PTTG1IP2: variants seen among roughly 807,000 people sequenced by gnomAD.
PTTG1IP2 encodes the protein PTTG1IP family member 2.
intron 6 of PTTG1IP2, among the ~76,000 whole-genome samples, chr7:90,508,475 A>AGGGGAGGACATTTTCG (rs1798150296): frequency 6.6e-6 from 1 of 152,106 alleles, no homozygotes; most frequent in Non-Finnish European, 1.5e-5. Context: ...GGAAATTTTC[A>AGGGGAGGACATTTTCG]GGGGAGGACA....
intron 6 of PTTG1IP2, among the ~76,000 whole-genome samples, chr7:90,509,973 A>AG (rs1224027327): frequency 6.6e-6 from 1 of 152,236 alleles, no homozygotes; most frequent in East Asian, 1.9e-4. Context: ...AATAGATTGT[A>AG]GCTTTCCAAA....
At chr7:90,485,111 G>T (rs545750992) in intron 2 of PTTG1IP2, among the ~76,000 whole-genome samples, 1 of 152,272 alleles carries the variant, frequency 6.6e-6, no homozygotes, top group East Asian at 1.9e-4. Flanking sequence ...GACCACACAG[G>T]GCTTGGGGAA....
chr7:90,488,530 T>C (rs1255406767), intron 3 of PTTG1IP2, among the ~76,000 whole-genome samples: 1 of 152,046 alleles, frequency 6.6e-6, no homozygotes, highest in Non-Finnish European at 1.5e-5. Flanking sequence ...TCTTTAGAGA[T>C]ACAACAGCCT....
chr7:90,472,488 T>C (rs543571636), intron 1 of PTTG1IP2, among the ~76,000 whole-genome samples: 2 of 152,290 alleles, frequency 1.3e-5, no homozygotes, highest in South Asian at 2.1e-4. Flanking sequence ...TCCAAGGAAA[T>C]AAATTGAAGG....
intron 1 of PTTG1IP2, among the ~76,000 whole-genome samples, chr7:90,475,939 CAA>C (rs71104471): frequency 0.034 from 4,333 of 126,982 alleles, 94 homozygotes; most frequent in South Asian, 0.043. Flanking sequence ...GACTCTGTCT[CAA>C]AAAAAAAAAA....
chr7:90,485,861 G>T (rs921957064), intron 2 of PTTG1IP2, among the ~76,000 whole-genome samples: 1 of 152,104 alleles, frequency 6.6e-6, no homozygotes, highest in Non-Finnish European at 1.5e-5. Flanking sequence ...CTAGATCTTG[G>T]ACTTGATTCC....
intron 1 of PTTG1IP2, among the ~76,000 whole-genome samples, chr7:90,473,905 G>A (rs1797718024): frequency 6.6e-6 from 1 of 152,202 alleles, no homozygotes; most frequent in Non-Finnish European, 1.5e-5. Flanking sequence ...TCTGTAAATG[G>A]TTGTTGTGAG....
At chr7:90,483,081 A>G (rs760897814) in intron 2 of PTTG1IP2, among the ~76,000 whole-genome samples, 6 of 152,124 alleles carry the variant, frequency 3.9e-5, no homozygotes, top group Non-Finnish European at 8.8e-5. Context: ...GTCTGGGAGA[A>G]TGGACAAGGT....
chr7:90,492,021 C>T (rs1360814698), intron 4 of PTTG1IP2, among the ~76,000 whole-genome samples: 1 of 152,032 alleles, frequency 6.6e-6, no homozygotes, highest in Non-Finnish European at 1.5e-5. Context: ...ATCCCAGCTA[C>T]TTAGGTGGCT....
intron 2 of PTTG1IP2, among the ~76,000 whole-genome samples, chr7:90,486,614 A>AG (rs1265071818): frequency 2.0e-5 from 3 of 151,598 alleles, no homozygotes; most frequent in Admixed American, 6.6e-5. Context: ...GTGTGGGGAG[A>AG]GGGGTGAGGT....
chr7:90,490,590 A>G (rs1797927315), intron 4 of PTTG1IP2, among the ~76,000 whole-genome samples: 1 of 152,060 alleles, frequency 6.6e-6, no homozygotes, highest in South Asian at 2.1e-4. Context: ...GGTATTCCTT[A>G]TTTTTCCCCT....
intron 4 of PTTG1IP2, among the ~76,000 whole-genome samples, chr7:90,490,972 T>C (rs1204416527): frequency 6.6e-6 from 1 of 152,216 alleles, no homozygotes; most frequent in Admixed American, 6.5e-5. Context: ...ACCTTGTTAA[T>C]TCAATGAGTG....
chr7:90,487,182 A>T (rs1412164699), intron 2 of PTTG1IP2, 145 bp from the exon 3 acceptor site: 2 of 152,596 alleles, frequency 1.3e-5, no homozygotes, highest in African/African-American at 4.8e-5. Context: ...AGGAGATCTC[A>T]ATAAGTTACC....
chr7:90,497,636 G>C (rs888183449), intron 6 of PTTG1IP2, among the ~76,000 whole-genome samples: 2 of 136,966 alleles, frequency 1.5e-5, no homozygotes, highest in African/African-American at 2.7e-5. Context: ...AGGAGCCCTT[G>C]AGCCCAGGAG....
intron 6 of PTTG1IP2, 144 bp downstream of exon 6, chr7:90,494,574 A>T (rs562044755): frequency 6.6e-6 from 1 of 152,316 alleles, no homozygotes; most frequent in South Asian, 2.1e-4. Context: ...TTCAATGCCC[A>T]AAACATGTAA....
intron 6 of PTTG1IP2, among the ~76,000 whole-genome samples, chr7:90,499,250 G>A (rs900119153): frequency 1.3e-5 from 2 of 152,214 alleles, no homozygotes; most frequent in African/African-American, 4.8e-5. Flanking sequence ...ATTTGGCTCT[G>A]GAAAAGATAA....
intron 2 of PTTG1IP2, among the ~76,000 whole-genome samples, chr7:90,480,421 A>G (rs1174866407): frequency 1.3e-5 from 2 of 152,098 alleles, no homozygotes; most frequent in Non-Finnish European, 2.9e-5. Flanking sequence ...TATAAAGGAA[A>G]TTTTCAAATA....
At chr7:90,499,558 T>C (rs1426493441) in intron 6 of PTTG1IP2, among the ~76,000 whole-genome samples, 1 of 152,142 alleles carries the variant, frequency 6.6e-6, no homozygotes, top group East Asian at 1.9e-4. Flanking sequence ...TAAATGCTTT[T>C]TGATCAGTGT....
intron 6 of PTTG1IP2, among the ~76,000 whole-genome samples, chr7:90,509,564 G>C (rs1049772635): frequency 6.6e-6 from 1 of 152,182 alleles, no homozygotes; most frequent in African/African-American, 2.4e-5. Flanking sequence ...CATGCATGTA[G>C]TAACTCCAAC....
Sources: allele counts gnomAD v4.1 joint callset (sites outside exome capture counted in the v4.1 genomes callset), GRCh38; gene constraint gnomAD v4.1.1; transcripts MANE v1.5; gene names NCBI Gene and HGNC (gene_info 2026-07-23, HGNC 2026-07-21).